The following GALNT3 variants were observed in gnomAD, a reference collection of about 807,000 sequenced individuals.
GALNT3 encodes the protein GalNAc transferase 3.
GALNT3 carries 51 observed loss-of-function variants against 69.8 expected under a neutral mutation model. The observed-to-expected ratio is 0.73, with a 90% confidence interval of 0.58 to 0.92. GALNT3 has a LOEUF of 0.92. Among genes scored for constraint, GALNT3 ranks in the 40% least tolerant of loss-of-function variants. GALNT3 has a pLI of 0.00. For synonymous variants in GALNT3, 265 were observed against 248.5 expected (o/e 1.07, Z -0.63); for missense variants, 711 against 760.0 (o/e 0.94, Z 0.76).
chr2:165,788,558 T>C (rs1014479497), intron 1 of GALNT3, among the ~76,000 whole-genome samples: 5 of 149,722 alleles, frequency 3.3e-5, no homozygotes, highest in African/African-American at 4.9e-5. Flanking sequence ...AAGCAAATAA[T>C]AGAAGTATAC....
chr2:165,776,315 G>C (rs1688845477), intron 1 of GALNT3, among the ~76,000 whole-genome samples: 1 of 152,066 alleles, frequency 6.6e-6, no homozygotes, highest in African/African-American at 2.4e-5. Context: ...GTTGGACTCA[G>C]AAGTTTGAGA....
chr2:165,765,553 G>A (rs953824281), intron 2 of GALNT3, among the ~76,000 whole-genome samples: 4 of 150,944 alleles, frequency 2.6e-5, no homozygotes, highest in African/African-American at 9.8e-5. Context: ...GCAGTGGCAC[G>A]ATCTCGGCTC....
At chr2:165,774,704 C>T (rs1688813869) in intron 1 of GALNT3, among the ~76,000 whole-genome samples, 1 of 151,920 alleles carries the variant, frequency 6.6e-6, no homozygotes, top group East Asian at 1.9e-4. Context: ...CTGGCCCTTA[C>T]CACAATGTTG....
rs777464821 is a variant in GALNT3, at chr2:165,757,116, T to G, written c.1323A>C (p.Glu441Asp). 22 of 1,614,084 alleles carry G rather than the reference T, an allele frequency of 1.4e-5. No individual in the cohort carries two copies. The highest frequency in any genetic ancestry group is 1.9e-5 in the Non-Finnish European group (22 of 1,179,954). Residue 441 changes from glutamate to aspartate, a missense_variant, in exon 7 of 11, where the codon GAA becomes GAC. Coordinates refer to ENST00000392701, the MANE Select transcript of GALNT3 (RefSeq NM_004482.4). ...TTTCCTTGTATTCATCCATCCAGAC[T>G]TCTGCAAGGCGAACTTGGTTTCTAG... ...VIARNQVRLA[E>D]VWMDEYKEIF...
intron 2 of GALNT3, among the ~76,000 whole-genome samples, chr2:165,767,867 ATCTT>A (rs1228712172): frequency 1.5e-5 from 2 of 136,254 alleles, no homozygotes; most frequent in Non-Finnish European, 1.6e-5. Context: ...TAAAAAACAA[ATCTT>A]TTTTTTTTTT....
rs1015602307 is a variant in GALNT3, at chr2:165,794,175, C to A, written c.-269G>T. ...CCTCCGCCGCCGCCTCCTGCCTTCC[C>A]GCTGGGCCTCCCGCGTTGCCTGGAG... On this transcript the variant is annotated 5_prime_UTR_variant, in exon 1 of 11. Coordinates refer to ENST00000392701, the MANE Select transcript of GALNT3 (RefSeq NM_004482.4). 3 of 152,966 alleles carry A rather than the reference C, an allele frequency of 2.0e-5. No individual in the cohort carries two copies. The highest frequency in any genetic ancestry group is 3.9e-4 in the East Asian group (2 of 5,182). 9.5% of individuals were successfully genotyped at this position (152,966 alleles called of 1,614,324 possible). A position where few individuals can be genotyped will look rare whatever the true frequency, so the allele number is the denominator to read the frequency against.
chr2:165,779,695 A>C (rs924637303), intron 1 of GALNT3, among the ~76,000 whole-genome samples: 3 of 152,202 alleles, frequency 2.0e-5, no homozygotes, highest in Admixed American at 6.5e-5. Flanking sequence ...TACAAAAAAA[A>C]CCTAGATATA....
At position 165,757,197 on chromosome 2, in the gene GALNT3, T is replaced by G; in HGVS notation, c.1242A>C (p.Gly414=). 1 of 1,614,062 alleles carries G rather than the reference T, an allele frequency of 6.2e-7. No homozygotes were observed. The highest frequency in any genetic ancestry group is 8.5e-7 in the Non-Finnish European group (1 of 1,179,950). The change falls in exon 7 of 11, where the codon GGA becomes GGC. Residue 414 remains glycine (G), a synonymous_variant. Coordinates refer to ENST00000392701, the MANE Select transcript of GALNT3 (RefSeq NM_004482.4). ...GAGGGCTTTTGCTGCGAAAAACATG[T>G]CCAACAACAGAGCAAGGCATAATCT... is the stretch of plus-strand genomic sequence containing the variant. ...QLEIMPCSVV[G]HVFRSKSPHS...
chr2:165,762,288 A>G (rs1461507001), intron 3 of GALNT3, among the ~76,000 whole-genome samples: 166 of 152,306 alleles, frequency 1.1e-3, no homozygotes, highest in Admixed American at 3.5e-3. Flanking sequence ...CTTATTCTGT[A>G]CACTTCCTAT....
chr2:165,767,441 C>A (rs938352350), intron 2 of GALNT3, among the ~76,000 whole-genome samples: 6 of 152,044 alleles, frequency 3.9e-5, no homozygotes, highest in Non-Finnish European at 8.8e-5. Flanking sequence ...CACAAAAATT[C>A]ATACTAGTAA....
At chr2:165,794,411 C>G (rs1014887056), upstream of GALNT3, 3 of 152,724 alleles carry the variant, frequency 2.0e-5, no homozygotes, top group African/African-American at 4.8e-5. Context: ...CGGCTTCTCT[C>G]TGAGTGGTCG....
intron 7 of GALNT3, among the ~76,000 whole-genome samples, chr2:165,755,802 A>T (rs1688434367): frequency 6.6e-6 from 1 of 152,180 alleles, no homozygotes; most frequent in Non-Finnish European, 1.5e-5. Flanking sequence ...ACTAAAGAAA[A>T]TATTTTCTTA....
chr2:165,784,544 G>A (rs1683180275), intron 1 of GALNT3, among the ~76,000 whole-genome samples: 1 of 152,072 alleles, frequency 6.6e-6, no homozygotes. Context: ...ATGTGTTCTG[G>A]ACTTGTTGAA....
intron 1 of GALNT3, among the ~76,000 whole-genome samples, chr2:165,782,989 TC>T (rs1683144422): frequency 6.6e-6 from 1 of 152,196 alleles, no homozygotes; most frequent in African/African-American, 2.4e-5. Context: ...AAAGACATTA[TC>T]TCAGCTGTCA....
At chr2:165,769,440 T>A (rs1015694923) in intron 2 of GALNT3, among the ~76,000 whole-genome samples, 4 of 112,898 alleles carry the variant, frequency 3.5e-5, no homozygotes, top group African/African-American at 1.3e-4. Context: ...ATAATAATAA[T>A]AAATAAATAA....
At chr2:165,776,659 T>C (rs1040312716) in intron 1 of GALNT3, among the ~76,000 whole-genome samples, 19 of 152,216 alleles carry the variant, frequency 1.2e-4, no homozygotes, top group African/African-American at 4.6e-4. Flanking sequence ...TGTAACCTGG[T>C]ATATATGTAG....
chr2:165,761,644 T>G lies in GALNT3; in HGVS notation c.838+261A>C, dbSNP rs1011047262. On this transcript the variant is annotated intron_variant, in intron 4 of 10. Coordinates refer to ENST00000392701, the MANE Select transcript of GALNT3 (RefSeq NM_004482.4). ...AAAAAAAAAAAGAGGCAAGGATAAC[T>G]GGCTGGAACAGCTAGTAACTGGAGA... The G allele has an allele frequency of 1.7e-5, 11 of 645,962 alleles. No individual in the cohort carries two copies. In the African/African-American group the frequency reaches 1.9e-4, roughly 11 times the overall value. The allele number at this position is 645,962 out of a possible 1,614,324, so 40.0% of individuals were successfully genotyped here. A position where few individuals can be genotyped will look rare whatever the true frequency, so the allele number is the denominator to read the frequency against.
chr2:165,761,855 A>C, intron 4 of GALNT3, 50 bp downstream of exon 4: 1 of 1,581,492 alleles, frequency 6.3e-7, no homozygotes, highest in Non-Finnish European at 8.7e-7. Flanking sequence ...TTTAAATTAG[A>C]GGGAGAGGGA....
chr2:165,760,442 A>T (rs922124191), intron 4 of GALNT3, among the ~76,000 whole-genome samples: 2 of 152,146 alleles, frequency 1.3e-5, no homozygotes, highest in Non-Finnish European at 2.9e-5. Flanking sequence ...GTGCTGTCCT[A>T]TTCTGGGCTC....
Sources: gnomAD v4.1 joint callset for allele counts (sites outside exome capture counted in the v4.1 genomes callset) on GRCh38, gnomAD v4.1.1 for gene constraint, MANE v1.5 for transcripts, NCBI Gene and HGNC (gene_info 2026-07-23, HGNC 2026-07-21) for gene names.